Variants in PAK3 observed in about 807,000 individuals in gnomAD.
PAK3 encodes the protein serine/threonine-protein kinase PAK 3.
A neutral mutation model predicts 41.0 loss-of-function variants in PAK3; 4 were observed. The observed-to-expected ratio is 0.10, with a 90% confidence interval of 0.05 to 0.22. The LOEUF (loss-of-function observed/expected upper bound fraction) is 0.22. Ranked by LOEUF, PAK3 falls within the 10% of genes least tolerant of loss-of-function variation. The pLI is 1.00. For synonymous variants in PAK3, 146 were observed against 139.6 expected (o/e 1.05, Z -0.32); for missense variants, 205 against 409.9 (o/e 0.50, Z 4.32).
chrX:111,127,779 G>C (rs192746750), intron 5 of PAK3, among the ~76,000 whole-genome samples: 1 of 111,312 alleles, frequency 9.0e-6, no homozygotes, highest in African/African-American at 3.3e-5. Context: ...TTAGCTTTCT[G>C]CCAGGCTCCA....
intron 4 of PAK3, among the ~76,000 whole-genome samples, chrX:111,122,154 G>A (rs909578341): frequency 9.5e-5 from 10 of 105,482 alleles, no homozygotes; most frequent in African/African-American, 2.8e-4. Flanking sequence ...TACTAGGGAG[G>A]CTGAGGCAGG....
At chrX:111,160,586 AG>A (rs1320612414) in intron 8 of PAK3, among the ~76,000 whole-genome samples, 1 of 109,096 alleles carries the variant, frequency 9.2e-6, no homozygotes, top group Non-Finnish European at 1.9e-5. Context: ...ATTTAGCATT[AG>A]GTATATCACC....
chrX:110,978,162 G>A (rs1208951111), intron 1 of PAK3, among the ~76,000 whole-genome samples: 1 of 111,146 alleles, frequency 9.0e-6, no homozygotes, highest in African/African-American at 3.3e-5. Context: ...GTCCTTTATG[G>A]TATTGAAGTG....
At position 110,977,141 on chromosome X, in the gene PAK3, G is replaced by A. The variant is rs191425954; in HGVS notation, c.-28+32513G>A. ...ATCAGTGGTTCATTCTCAATCTTAA[G>A]AGAAAAGCATTCACTCTTTCACCAT... On this transcript the variant is annotated intron_variant, in intron 1 of 14. Coordinates refer to the PAK3 transcript ENST00000425146. Among the ~76,000 whole-genome samples the A allele has an allele frequency of 4.2e-3, 460 of 110,527 alleles. 4 individuals carry two copies. The highest frequency in any genetic ancestry group is 0.015 in the African/African-American group (445 of 30,493).
At chrX:111,080,334 G>A (rs2092824167) in intron 1 of PAK3, among the ~76,000 whole-genome samples, 2 of 111,824 alleles carry the variant, frequency 1.8e-5, no homozygotes, top group Admixed American at 1.9e-4. Context: ...TCAGTCAGCA[G>A]CCATCAACAT....
rs151188506 is a variant in PAK3 at position 111,049,017 on chromosome X, C to T, written c.-27-74060C>T. On this transcript the variant is annotated intron_variant, in intron 1 of 14. Transcript: ENST00000425146. ...ATTTGGCCACTGCATGTCTCTTCAGCCTCATCTTGTGCCACACTCCCTCTT... is the reference window on the plus strand; with the variant it reads ...ATTTGGCCACTGCATGTCTCTTCAGTCTCATCTTGTGCCACACTCCCTCTT... 2.6e-3 allele frequency among the ~76,000 whole-genome samples: 288 copies of T among 111,869 alleles called. 1 individual carries two copies. The highest frequency in any genetic ancestry group is 8.6e-3 in the African/African-American group (265 of 30,862).
At chrX:111,107,296 T>C (rs1047127113) in intron 4 of PAK3, among the ~76,000 whole-genome samples, 1 of 112,221 alleles carries the variant, frequency 8.9e-6, no homozygotes, top group African/African-American at 3.2e-5. Context: ...AGAAGGTTAA[T>C]GAACTAGCTG....
intron 11 of PAK3, among the ~76,000 whole-genome samples, chrX:111,190,331 A>C (rs184368716): frequency 8.9e-6 from 1 of 111,823 alleles, no homozygotes; most frequent in Admixed American, 9.5e-5. Flanking sequence ...TAACTGTGTA[A>C]CCTTGGGCAG....
At chrX:111,010,341 C>T (rs1294816267) in intron 1 of PAK3, among the ~76,000 whole-genome samples, 1 of 111,628 alleles carries the variant, frequency 9.0e-6, no homozygotes, top group South Asian at 3.8e-4. Context: ...CGGGAAGCTG[C>T]AAGTTCTTCT....
At chrX:110,977,312 G>C (rs1226178593) in intron 1 of PAK3, among the ~76,000 whole-genome samples, 1 of 110,397 alleles carries the variant, frequency 9.1e-6, no homozygotes, top group African/African-American at 3.3e-5. Flanking sequence ...TTTAATATTG[G>C]GAAGTATTAG....
intron 1 of PAK3, among the ~76,000 whole-genome samples, chrX:111,069,852 A>G (rs1332714204): frequency 9.0e-6 from 1 of 111,055 alleles, no homozygotes; most frequent in Non-Finnish European, 1.9e-5. Context: ...ATTGTTTTTA[A>G]TGTTCTTACT....
chrX:111,049,026 G>T (rs1385528211), intron 1 of PAK3, among the ~76,000 whole-genome samples: 1 of 111,585 alleles, frequency 9.0e-6, no homozygotes, highest in Non-Finnish European at 1.9e-5. Context: ...GCCTCATCTT[G>T]TGCCACACTC....
At chrX:111,061,854 G>T (rs905402312) in intron 1 of PAK3, among the ~76,000 whole-genome samples, 1 of 109,571 alleles carries the variant, frequency 9.1e-6, no homozygotes, top group Non-Finnish European at 1.9e-5. Flanking sequence ...TTGCTTTGTT[G>T]CCCAGGCTAG....
At chrX:110,955,552 C>A (rs1010426565) in intron 1 of PAK3, among the ~76,000 whole-genome samples, 4 of 111,435 alleles carry the variant, frequency 3.6e-5, no homozygotes, top group African/African-American at 1.3e-4. Context: ...GTGGGAGGAT[C>A]ACTTAAGCCC....
rs181771601 is a variant in PAK3, at chrX:111,198,806, A to G, written c.1407+2166A>G. Among the ~76,000 whole-genome samples, 544 of 110,688 alleles carry G rather than the reference A, an allele frequency of 4.9e-3. 1 individual carries two copies. Among genetic ancestry groups the G allele is most frequent in the African/African-American group, 0.017 (510 of 30,418 alleles). ...GTTTTTGCTTGGTATTGCTTTGTCT[A>G]TTGGGGCTTTTTTGGTTCCCAGTGA... On this transcript the variant is annotated intron_variant, in intron 16 of 17. Transcript: ENST00000372007.
intron 1 of PAK3, among the ~76,000 whole-genome samples, chrX:110,989,842 GCTTTCAGT>G (rs768151413): frequency 3.3e-3 from 369 of 111,505 alleles, no homozygotes; most frequent in Non-Finnish European, 5.9e-3. Flanking sequence ...GTAGAGGACA[GCTTTCAGT>G]CTTCAGTCCC....
chrX:111,107,626 C>CA (rs962582618), intron 4 of PAK3, among the ~76,000 whole-genome samples: 5 of 111,468 alleles, frequency 4.5e-5, no homozygotes, highest in Non-Finnish European at 9.4e-5. Flanking sequence ...CACCCTGGAG[C>CA]AAAAAATGAG....
intron 1 of PAK3, among the ~76,000 whole-genome samples, chrX:111,032,566 T>A (rs1421216086): frequency 9.0e-6 from 1 of 111,418 alleles, no homozygotes; most frequent in East Asian, 2.8e-4. Context: ...CTTGTTTAGA[T>A]CAAATAAAGA....
intron 1 of PAK3, among the ~76,000 whole-genome samples, chrX:110,970,665 A>T (rs763132572): frequency 2.5e-4 from 28 of 111,525 alleles, no homozygotes; most frequent in Non-Finnish European, 5.3e-4. Context: ...TAAAACCTAG[A>T]TGACAGTTTG....
Sources: allele counts gnomAD v4.1 joint callset (sites outside exome capture counted in the v4.1 genomes callset), GRCh38; gene constraint gnomAD v4.1.1; transcripts MANE v1.5; gene names NCBI Gene and HGNC (gene_info 2026-07-23, HGNC 2026-07-21).